Variants in RNF170 observed in about 807,000 individuals in gnomAD.
RNF170 encodes the protein E3 ubiquitin-protein ligase RNF170.
A neutral mutation model predicts 32.7 loss-of-function variants in RNF170; 12 were observed. The ratio of observed to expected loss-of-function variants is 0.37; its 90% CI spans 0.24 to 0.60. The LOEUF (loss-of-function observed/expected upper bound fraction) is 0.60. Ranked by LOEUF, RNF170 falls within the 20% of genes least tolerant of loss-of-function variation. The pLI, the probability that RNF170 is intolerant of heterozygous loss-of-function variation, is 0.72. For missense variants in RNF170, 212 were observed against 311.2 expected, an observed-to-expected ratio of 0.68 and a Z score of 2.40; for synonymous variants, 91 against 103.6, an observed-to-expected ratio of 0.88 and a Z score of 0.74.
At chr8:42,859,739 C>T (rs1296539804) in intron 6 of RNF170, among the ~76,000 whole-genome samples, 1 of 152,162 alleles carries the variant, frequency 6.6e-6, no homozygotes, top group Non-Finnish European at 1.5e-5. Context: ...ACCTCTGCCT[C>T]CCGGGCTCAA....
intron 6 of RNF170, among the ~76,000 whole-genome samples, chr8:42,857,694 T>C (rs1803345753): frequency 6.6e-6 from 1 of 152,064 alleles, no homozygotes; most frequent in Non-Finnish European, 1.5e-5. Context: ...ACACAAAAAA[T>C]AATAATTGAG....
At chr8:42,873,401 C>T (rs1804669422) in intron 3 of RNF170, among the ~76,000 whole-genome samples, 1 of 152,050 alleles carries the variant, frequency 6.6e-6, no homozygotes, top group African/African-American at 2.4e-5. Context: ...GTACAATATC[C>T]TATTTATTCC....
intron 6 of RNF170, among the ~76,000 whole-genome samples, chr8:42,857,371 T>A (rs772988243): frequency 8.5e-5 from 13 of 152,254 alleles, no homozygotes; most frequent in African/African-American, 2.7e-4. Context: ...AGAACTAATA[T>A]CTAAAGCAAA....
intron 6 of RNF170, among the ~76,000 whole-genome samples, chr8:42,858,547 A>G (rs1369657725): frequency 6.6e-6 from 1 of 152,234 alleles, no homozygotes; most frequent in Non-Finnish European, 1.5e-5. Flanking sequence ...GTTTACTGAG[A>G]GAAAGATAAT....
At chr8:42,896,704 G>T, upstream of RNF170, 2 of 309,218 alleles carry the variant, frequency 6.5e-6, no homozygotes, top group South Asian at 4.4e-5. Flanking sequence ...GCGCGTGCTC[G>T]CCTCGACACG....
intron 4 of RNF170, among the ~76,000 whole-genome samples, chr8:42,869,363 CTGCAGATTCAGGAAAAATAAGTGG>C (rs1159125300): frequency 6.6e-6 from 1 of 152,166 alleles, no homozygotes; most frequent in Non-Finnish European, 1.5e-5. Context: ...TTTCCTGAAT[CTGCAGATTCAGGAAAAATAAGTGG>C]TGGAAAGCAC....
At chr8:42,856,942 A>C (rs1803287562) in intron 6 of RNF170, among the ~76,000 whole-genome samples, 1 of 152,360 alleles carries the variant, frequency 6.6e-6, no homozygotes, top group East Asian at 1.9e-4. Flanking sequence ...CGGACTAAAA[A>C]TTCAAAAGAA....
At chr8:42,882,441 T>G (rs1805488865) in intron 2 of RNF170, among the ~76,000 whole-genome samples, 1 of 152,196 alleles carries the variant, frequency 6.6e-6, no homozygotes, top group Non-Finnish European at 1.5e-5. Context: ...CAGGCTAGTC[T>G]CAAACTCCTG....
chr8:42,862,416 T>C (rs990921886), intron 5 of RNF170, among the ~76,000 whole-genome samples: 1 of 152,234 alleles, frequency 6.6e-6, no homozygotes, highest in African/African-American at 2.4e-5. Context: ...TTAACCCTGC[T>C]TCCTTCATGG....
At chr8:42,886,306 TATTAAAAC>T (rs899754190) in intron 2 of RNF170, among the ~76,000 whole-genome samples, 1 of 152,118 alleles carries the variant, frequency 6.6e-6, no homozygotes, top group African/African-American at 2.4e-5. Flanking sequence ...ATTTGGTGTA[TATTAAAAC>T]ATTAGTCAGG....
Position 42,856,125 on chromosome 8 carries a change from A to G in RNF170, c.*34T>C. ...TCTGTTTGATGTTCTACATTAGCTC[A>G]GATATCCTAGTAAACTCAGTTTTGT... On this transcript the variant is annotated 3_prime_UTR_variant, in exon 7 of 7. Coordinates refer to ENST00000527424, the MANE Select transcript of RNF170 (RefSeq NM_030954.4). 3 of 1,610,482 alleles carry G rather than the reference A, an allele frequency of 1.9e-6. No homozygotes were observed. The highest frequency in any genetic ancestry group is 2.5e-6 in the Non-Finnish European group (3 of 1,179,398).
In RNF170 at chr8:42,870,040, A is replaced by G; in HGVS notation, c.286T>C (p.Phe96Leu). 1 of 1,614,100 alleles carries G rather than the reference A, an allele frequency of 6.2e-7. No homozygotes were observed. Among genetic ancestry groups the G allele is most frequent in the Non-Finnish European group, 8.5e-7 (1 of 1,179,954 alleles). ...TGTCCACAGTTGGTCTCCACCGGGA[A>G]GGAGGCTTGGTGCAGGCAGATGGGA... The part of the protein sequence containing the change: ...YCPICLHQAS[F>L]PVETNCGHLF... The change falls in exon 4 of 7, where the codon TTC becomes CTC. Residue 96 changes from phenylalanine (F) to leucine (L), a missense_variant. By Grantham distance (22) the Phe-to-Leu change is conservative. Coordinates refer to ENST00000527424, the MANE Select transcript of RNF170 (RefSeq NM_030954.4).
rs1806911804 is a variant in RNF170 at position 42,896,514 on chromosome 8, T to TG, written c.-39_-38insC. The TG allele has an allele frequency of 2.2e-6, 1 of 453,710 alleles. No homozygotes were observed. Among genetic ancestry groups the TG allele is most frequent in the South Asian group, 1.6e-5 (1 of 64,472 alleles). The allele number at this position is 453,710 out of a possible 1,614,324, so 28.1% of individuals were successfully genotyped here. On this transcript the variant is annotated 5_prime_UTR_variant, in exon 1 of 7. Coordinates refer to ENST00000527424, the MANE Select transcript of RNF170 (RefSeq NM_030954.4). The stretch of plus-strand genomic sequence containing the variant: ...CACCGCGAAGGAACTACCTCGCCAG[T>TG]TCCCGGCGACAGAGGACAGATTATT...
At chr8:42,873,271 G>T (rs900738508) in intron 3 of RNF170, among the ~76,000 whole-genome samples, 8 of 149,932 alleles carry the variant, frequency 5.3e-5, no homozygotes, top group Non-Finnish European at 1.0e-4. Flanking sequence ...GGGCAACATA[G>T]TGAGACCCTG....
At position 42,856,034 on chromosome 8, in the gene RNF170, T is replaced by C. The variant is rs769385935; in HGVS notation, c.*125A>G. 1.9e-6 allele frequency: 3 copies of C among 1,571,606 alleles called. No homozygotes were observed. The highest frequency in any genetic ancestry group is 2.6e-6 in the Non-Finnish European group (3 of 1,159,846). On this transcript the variant is annotated 3_prime_UTR_variant, in exon 7 of 7. Coordinates refer to ENST00000527424, the MANE Select transcript of RNF170 (RefSeq NM_030954.4). ...TCAAATGATAATCAAATGTTTGTCT[T>C]ATAGTGGTTTTATATTTGTGAGATA...
chr8:42,864,414 T>C (rs1395156301), intron 5 of RNF170, among the ~76,000 whole-genome samples: 1 of 152,152 alleles, frequency 6.6e-6, no homozygotes, highest in African/African-American at 2.4e-5. Flanking sequence ...ATTTTTATTT[T>C]AAATGAAAAA....
chr8:42,879,475 A>T (rs1394131367), intron 2 of RNF170, among the ~76,000 whole-genome samples: 6 of 151,940 alleles, frequency 3.9e-5, no homozygotes, highest in Admixed American at 2.6e-4. Flanking sequence ...ACACAGTGAA[A>T]CCCTGTCTCT....
At chr8:42,885,009 T>C (rs1805707933) in intron 2 of RNF170, among the ~76,000 whole-genome samples, 1 of 27,664 alleles carries the variant, frequency 3.6e-5, no homozygotes, top group Non-Finnish European at 7.7e-5. Flanking sequence ...GCCTCTCTTT[T>C]TAAAAATGCA....
downstream of RNF170, among the ~76,000 whole-genome samples, chr8:42,851,277 G>C (rs1802934428): frequency 6.6e-6 from 1 of 152,048 alleles, no homozygotes; most frequent in Admixed American, 6.6e-5. Context: ...GAGTAAGAGA[G>C]GAGGCTGGGT....
Sources: allele counts gnomAD v4.1 joint callset (sites outside exome capture counted in the v4.1 genomes callset), GRCh38; gene constraint gnomAD v4.1.1; transcripts MANE v1.5; gene names NCBI Gene and HGNC (gene_info 2026-07-23, HGNC 2026-07-21).